The following LHPP variants were observed in gnomAD, a reference collection of about 807,000 sequenced individuals.
LHPP encodes hLHPP.
In LHPP, 24 loss-of-function variants were observed where a neutral mutation model predicts 30.3. The ratio of observed to expected loss-of-function variants is 0.79; its 90% confidence interval spans 0.57 to 1.11. The LOEUF (loss-of-function observed/expected upper bound fraction) is 1.11. Ranked by LOEUF, LHPP falls within the 50% of genes most tolerant of loss-of-function variation. The pLI, the probability that LHPP is intolerant of heterozygous loss-of-function variation, is 0.00. For missense variants in LHPP, 356 were observed against 367.2 expected (o/e 0.97, Z 0.25); for synonymous variants, 150 against 157.1 (o/e 0.95, Z 0.34).
chr10:124,521,191 C>T (rs544775799), intron 6 of LHPP, among the ~76,000 whole-genome samples: 9 of 152,290 alleles, frequency 5.9e-5, no homozygotes, highest in African/African-American at 1.9e-4. Context: ...GAATTGCCTG[C>T]GTGGTGCTCC....
chr10:124,560,792 G>A (rs1948383620), intron 6 of LHPP, among the ~76,000 whole-genome samples: 2 of 152,196 alleles, frequency 1.3e-5, no homozygotes, highest in African/African-American at 4.8e-5. Context: ...AACACTTTGA[G>A]GGGAGCATCT....
chr10:124,466,052 C>A (rs951309253), intron 1 of LHPP, among the ~76,000 whole-genome samples: 5 of 152,164 alleles, frequency 3.3e-5, no homozygotes, highest in African/African-American at 1.2e-4. Flanking sequence ...TTTGTCCTAT[C>A]TCGTGTGAGA....
intron 6 of LHPP, among the ~76,000 whole-genome samples, chr10:124,598,753 CT>C (rs1301564560): frequency 2.6e-5 from 4 of 151,740 alleles, no homozygotes; most frequent in East Asian, 1.9e-4. Flanking sequence ...ATCCATCCCC[CT>C]GTCCATCCCT....
intron 3 of LHPP, chr10:124,490,396 CA>C: frequency 6.0e-6 from 2 of 331,122 alleles, no homozygotes; most frequent in Admixed American, 3.1e-5. Flanking sequence ...TGTCTCCAGG[CA>C]AACTCCTTCC....
At chr10:124,508,590 CTTT>C (rs200472559) in intron 5 of LHPP, among the ~76,000 whole-genome samples, 6 of 135,458 alleles carry the variant, frequency 4.4e-5, no homozygotes, top group Middle Eastern at 3.8e-3. Flanking sequence ...CCCTTGGAGG[CTTT>C]TTTTTTTTTT....
chr10:124,484,825 C>T (rs899062545), intron 2 of LHPP, among the ~76,000 whole-genome samples: 3 of 152,096 alleles, frequency 2.0e-5, no homozygotes, highest in South Asian at 4.1e-4. Flanking sequence ...TTGCAAATGG[C>T]GTAGGAACAA....
chr10:124,539,573 T>A (rs1955124597), intron 6 of LHPP, among the ~76,000 whole-genome samples: 1 of 152,016 alleles, frequency 6.6e-6, no homozygotes. Flanking sequence ...CCGCCTCTAC[T>A]AAAAATACAA....
chr10:124,555,182 G>T (rs1948274554), intron 6 of LHPP, among the ~76,000 whole-genome samples: 1 of 152,236 alleles, frequency 6.6e-6, no homozygotes, highest in East Asian at 1.9e-4. Flanking sequence ...GGGTGGGCCA[G>T]TGGGGATGGG....
intron 5 of LHPP, among the ~76,000 whole-genome samples, chr10:124,500,597 TAAA>T (rs1953869193): frequency 6.6e-6 from 1 of 151,870 alleles, no homozygotes; most frequent in Non-Finnish European, 1.5e-5. Context: ...TTTTTGGATG[TAAA>T]TACAATACAT....
intron 6 of LHPP, chr10:124,612,751 A>G (rs1949218410): frequency 6.4e-6 from 1 of 155,152 alleles, no homozygotes; most frequent in African/African-American, 2.4e-5. Context: ...CTCAGAGGGC[A>G]CCAACCAGAA....
intron 6 of LHPP, among the ~76,000 whole-genome samples, chr10:124,570,081 T>A (rs1270977139): frequency 6.6e-6 from 1 of 152,036 alleles, no homozygotes; most frequent in Admixed American, 6.6e-5. Flanking sequence ...GACTATTAAT[T>A]TAGGTTTAAA....
intron 1 of LHPP, among the ~76,000 whole-genome samples, chr10:124,476,341 C>G (rs1001494216): frequency 1.3e-5 from 2 of 152,186 alleles, no homozygotes; most frequent in African/African-American, 4.8e-5. Context: ...GAAGGAGGAG[C>G]AAGTGCAGGA....
intron 6 of LHPP, among the ~76,000 whole-genome samples, chr10:124,606,165 C>T (rs945337144): frequency 1.4e-4 from 21 of 152,250 alleles, no homozygotes; most frequent in Middle Eastern, 6.8e-3. Context: ...GCCCCGCAGG[C>T]GCCTGGGGAA....
intron 6 of LHPP, chr10:124,553,863 G>T (rs898415305): frequency 2.0e-6 from 2 of 985,074 alleles, no homozygotes; most frequent in Admixed American, 6.1e-5. Context: ...GCAGAAGGAG[G>T]TAAGGGGCCC....
intron 4 of LHPP, among the ~76,000 whole-genome samples, chr10:124,497,251 C>T (rs369829016): frequency 1.4e-3 from 34 of 23,600 alleles, no homozygotes; most frequent in South Asian, 2.8e-3. Flanking sequence ...TTCCCATCCT[C>T]CCCATCCTCC....
At chr10:124,506,280 C>T (rs1206397797) in intron 5 of LHPP, among the ~76,000 whole-genome samples, 12 of 134,300 alleles carry the variant, frequency 8.9e-5, no homozygotes. Flanking sequence ...CCCCACCCCG[C>T]GGTTTCTCAA....
At chr10:124,471,727 A>ATATATATTTG (rs1554877727) in intron 1 of LHPP, among the ~76,000 whole-genome samples, 1 of 30,684 alleles carries the variant, frequency 3.3e-5, no homozygotes, top group African/African-American at 2.2e-4. Flanking sequence ...ATATTTATGT[A>ATATATATTTG]TATATATATT....
chr10:124,530,660 G>A (rs1198983630), intron 6 of LHPP, among the ~76,000 whole-genome samples: 1 of 152,162 alleles, frequency 6.6e-6, no homozygotes, highest in Non-Finnish European at 1.5e-5. Context: ...TGCCCTGTGT[G>A]CCCTCTGCCT....
chr10:124,505,858 G>A (rs765604276), intron 5 of LHPP, among the ~76,000 whole-genome samples: 4 of 152,236 alleles, frequency 2.6e-5, no homozygotes, highest in Admixed American at 6.5e-5. Flanking sequence ...AAGAACCCTC[G>A]CCTGGAGGGG....
Sources: gnomAD v4.1 joint callset for allele counts (sites outside exome capture counted in the v4.1 genomes callset) on GRCh38, gnomAD v4.1.1 for gene constraint, MANE v1.5 for transcripts, NCBI Gene and HGNC (gene_info 2026-07-23, HGNC 2026-07-21) for gene names.